Variants in SIPA1L1 observed in about 807,000 individuals in gnomAD.
SIPA1L1 encodes signal induced proliferation associated 1 like 1, also known as signal-induced proliferation-associated 1-like protein 1.
In SIPA1L1, 26 loss-of-function variants were observed where a neutral mutation model predicts 162.7. The observed-to-expected ratio is 0.16, with a 90% CI of 0.12 to 0.22. The LOEUF is 0.22. SIPA1L1 is among the 10% of genes least tolerant of loss of function. SIPA1L1 has a pLI of 1.00. For missense variants in SIPA1L1, 1,874 were observed against 2,241.0 expected (o/e 0.84, Z 3.31); for synonymous variants, 829 against 837.4 (o/e 0.99, Z 0.17).
intron 2 of SIPA1L1, among the ~76,000 whole-genome samples, chr14:71,373,654 C>T (rs1337553336): frequency 1.5e-5 from 2 of 133,470 alleles, no homozygotes; most frequent in Non-Finnish European, 3.2e-5. Context: ...GAGACTCTGT[C>T]TCCAAAAAAA....
intron 17 of SIPA1L1, among the ~76,000 whole-genome samples, chr14:71,720,019 T>C (rs2083578015): frequency 6.6e-6 from 1 of 152,168 alleles, no homozygotes; most frequent in Admixed American, 6.5e-5. Flanking sequence ...CCAGATGTAT[T>C]GGAGCTCCCT....
intron 3 of SIPA1L1, among the ~76,000 whole-genome samples, chr14:71,524,109 A>G (rs1330330743): frequency 1.3e-5 from 2 of 149,680 alleles, no homozygotes; most frequent in Admixed American, 1.3e-4. Flanking sequence ...GTATGTATAC[A>G]CATATCTACA....
At chr14:71,537,454 C>G (rs1334979397) in intron 4 of SIPA1L1, among the ~76,000 whole-genome samples, 2 of 152,218 alleles carry the variant, frequency 1.3e-5, no homozygotes, top group East Asian at 3.8e-4. Flanking sequence ...ATCCAACCGC[C>G]TCAGCCTCCC....
intron 2 of SIPA1L1, chr14:71,330,471 A>C (rs2034395103): frequency 1.2e-6 from 2 of 1,606,278 alleles, no homozygotes; most frequent in East Asian, 4.5e-5. Flanking sequence ...CATCATTCAC[A>C]GCTAGAACTT....
At chr14:71,733,350 C>G (rs1234330855) in intron 20 of SIPA1L1, among the ~76,000 whole-genome samples, 1 of 152,218 alleles carries the variant, frequency 6.6e-6, no homozygotes, top group Non-Finnish European at 1.5e-5. Context: ...AAAGTAGATG[C>G]TAGTGCTGCC....
chr14:71,640,905 A>G (rs1297755135), intron 7 of SIPA1L1, among the ~76,000 whole-genome samples: 1 of 152,216 alleles, frequency 6.6e-6, no homozygotes, highest in African/African-American at 2.4e-5. Context: ...GATTACAGGC[A>G]TGAGCCACCA....
intron 2 of SIPA1L1, among the ~76,000 whole-genome samples, chr14:71,412,871 A>G (rs536647876): frequency 1.3e-5 from 2 of 152,320 alleles, no homozygotes; most frequent in East Asian, 1.9e-4. Context: ...GATGATTACT[A>G]TTGGGCATGT....
chr14:71,535,248 G>T (rs1168845950), intron 4 of SIPA1L1, among the ~76,000 whole-genome samples: 2 of 152,196 alleles, frequency 1.3e-5, no homozygotes, highest in Non-Finnish European at 2.9e-5. Flanking sequence ...GTTAGACTTA[G>T]TGTCTTCTAA....
At chr14:71,709,849 A>G (rs1458613299) in intron 17 of SIPA1L1, among the ~76,000 whole-genome samples, 185 bp downstream of exon 17, 1 of 152,250 alleles carries the variant, frequency 6.6e-6, no homozygotes, top group East Asian at 1.9e-4. Flanking sequence ...ATTTTAGTGC[A>G]TTATTTTAAA....
chr14:71,382,291 C>A (rs945705333), intron 2 of SIPA1L1, among the ~76,000 whole-genome samples: 1 of 152,186 alleles, frequency 6.6e-6, no homozygotes, highest in Non-Finnish European at 1.5e-5. Flanking sequence ...ATTATTATTG[C>A]ATAAGCCAAG....
In SIPA1L1 at chr14:71,739,914, A is replaced by G. The variant is rs138701849; in HGVS notation, c.*753A>G. Reference sequence around the variant, plus strand: ...GCAAGACTCTTTTTTGTTTGGCTTAATTGAGCCCCACTAAATTGGAATCAA... The same window carrying G: ...GCAAGACTCTTTTTTGTTTGGCTTAGTTGAGCCCCACTAAATTGGAATCAA... On this transcript the variant is annotated 3_prime_UTR_variant, in exon 24 of 24. Transcript: ENST00000381232. 5.9e-5 allele frequency: 9 copies of G among 152,284 alleles called. No individual in the cohort carries two copies. The highest frequency in any genetic ancestry group is 2.2e-4 in the African/African-American group (9 of 41,558). The allele number at this position is 152,284 out of a possible 1,614,324, so 9.4% of individuals were successfully genotyped here. A position where few individuals can be genotyped will look rare whatever the true frequency, so the allele number is the denominator to read the frequency against.
chr14:71,346,161 T>C (rs140577184), intron 2 of SIPA1L1, among the ~76,000 whole-genome samples: 229 of 152,218 alleles, frequency 1.5e-3, no homozygotes, highest in Non-Finnish European at 2.5e-3. Context: ...CTGCCTCGGC[T>C]TCCCAAAGTG....
chr14:71,471,396 GA>G (rs1346068954), intron 2 of SIPA1L1, among the ~76,000 whole-genome samples: 1 of 152,210 alleles, frequency 6.6e-6, no homozygotes, highest in African/African-American at 2.4e-5. Context: ...TTGAACCCAA[GA>G]GGCGGAGATT....
chr14:71,380,254 A>G (rs994599154), intron 2 of SIPA1L1, among the ~76,000 whole-genome samples: 6 of 152,228 alleles, frequency 3.9e-5, no homozygotes, highest in African/African-American at 1.4e-4. Flanking sequence ...ATGTCCTTTG[A>G]TAATTAAATG....
intron 22 of SIPA1L1, among the ~76,000 whole-genome samples, chr14:71,737,040 C>T (rs983711280): frequency 6.6e-6 from 1 of 152,174 alleles, no homozygotes; most frequent in African/African-American, 2.4e-5. Context: ...CCATACTATG[C>T]GGTTATGGAC....
Position 71,741,176 on chromosome 14 carries a change from C to T in SIPA1L1, c.*2015C>T, listed in dbSNP as rs899593055. The T allele has an allele frequency of 6.6e-6, 1 of 152,176 alleles. No individual in the cohort carries two copies. Among genetic ancestry groups the T allele is most frequent in the African/African-American group, 2.4e-5 (1 of 41,444 alleles). The allele number at this position is 152,176 out of a possible 1,614,324, so 9.4% of individuals were successfully genotyped here. ...ATGATTCTTGAAAATTTCTGTCCTT[C>T]TCAGAATGTTAATAAACTTTTTTAC... On this transcript the variant is annotated 3_prime_UTR_variant, in exon 24 of 24. Coordinates refer to ENST00000381232, the MANE Select transcript of SIPA1L1 (RefSeq NM_001386936.1).
At chr14:71,593,123 G>A (rs966823362) in intron 5 of SIPA1L1, among the ~76,000 whole-genome samples, 1 of 152,126 alleles carries the variant, frequency 6.6e-6, no homozygotes, top group African/African-American at 2.4e-5. Flanking sequence ...CACAGACTAG[G>A]CAGTAGGGCT....
intron 12 of SIPA1L1, among the ~76,000 whole-genome samples, chr14:71,679,942 A>G (rs2045630243): frequency 6.6e-6 from 1 of 152,212 alleles, no homozygotes; most frequent in South Asian, 2.1e-4. Context: ...GCAAGTCCTT[A>G]GAGACCTACA....
At chr14:71,717,475 A>G (rs989544109) in intron 17 of SIPA1L1, among the ~76,000 whole-genome samples, 3 of 152,208 alleles carry the variant, frequency 2.0e-5, no homozygotes, top group Admixed American at 6.5e-5. Context: ...GTTACATCTA[A>G]TGCTCTTTTC....
Sources: allele counts gnomAD v4.1 joint callset (sites outside exome capture counted in the v4.1 genomes callset), GRCh38; gene constraint gnomAD v4.1.1; transcripts MANE v1.5; gene names NCBI Gene and HGNC (gene_info 2026-07-23, HGNC 2026-07-21).